DPCD: variants seen among roughly 807,000 people sequenced by gnomAD.
DPCD encodes deleted in primary ciliary dyskinesia homolog (mouse).
DPCD carries 20 observed loss-of-function variants against 26.4 expected under a neutral mutation model. The ratio of observed to expected loss-of-function variants is 0.76; its 90% confidence interval spans 0.53 to 1.10. The LOEUF is 1.10. DPCD is among the 50% of genes least tolerant of loss of function. The probability of loss-of-function intolerance (pLI) is 0.00; values close to 1 mark genes in which losing one functional copy is unlikely to be tolerated. For missense variants in DPCD, 202 were observed against 253.9 expected, an observed-to-expected ratio of 0.80 and a Z score of 1.39; for synonymous variants, 97 against 94.2, an observed-to-expected ratio of 1.03 and a Z score of -0.17.
At chr10:101,594,292 G>T (rs1019909506) in intron 1 of DPCD, among the ~76,000 whole-genome samples, 1 of 152,214 alleles carries the variant, frequency 6.6e-6, no homozygotes, top group African/African-American at 2.4e-5. Flanking sequence ...GCACACATGA[G>T]GATGTGATTA....
At chr10:101,605,604 G>A (rs1479186551) in intron 4 of DPCD, among the ~76,000 whole-genome samples, 1 of 152,182 alleles carries the variant, frequency 6.6e-6, no homozygotes, top group East Asian at 1.9e-4. Flanking sequence ...TACATCTTTT[G>A]AAGACTTTTG....
At chr10:101,593,273 G>A (rs1462732500) in intron 1 of DPCD, among the ~76,000 whole-genome samples, 1 of 152,162 alleles carries the variant, frequency 6.6e-6, no homozygotes, top group Admixed American at 6.5e-5. Context: ...ATGATTAAGG[G>A]TGGTATTACC....
chr10:101,597,410 A>G (rs1374064450), intron 2 of DPCD, among the ~76,000 whole-genome samples: 2 of 152,262 alleles, frequency 1.3e-5, no homozygotes, highest in Non-Finnish European at 2.9e-5. Flanking sequence ...TTGAAGCTGC[A>G]GGGAACATTT....
chr10:101,595,823 C>T (rs921407661), intron 2 of DPCD, among the ~76,000 whole-genome samples: 1 of 152,168 alleles, frequency 6.6e-6, no homozygotes, highest in Non-Finnish European at 1.5e-5. Context: ...GAAACCAATA[C>T]AGTAGTAATA....
At chr10:101,602,710 A>G (rs1167165145) in intron 4 of DPCD, among the ~76,000 whole-genome samples, 1 of 152,250 alleles carries the variant, frequency 6.6e-6, no homozygotes, top group East Asian at 1.9e-4. Context: ...TGCTTCAGCA[A>G]GCATTCCTTG....
intron 2 of DPCD, among the ~76,000 whole-genome samples, chr10:101,597,490 T>A (rs1222693116): frequency 2.0e-5 from 3 of 152,204 alleles, no homozygotes; most frequent in African/African-American, 7.2e-5. Context: ...AAGAGGCCTT[T>A]AGGACTTCTA....
chr10:101,606,225 G>C (rs1387368815), intron 4 of DPCD, among the ~76,000 whole-genome samples: 2 of 152,114 alleles, frequency 1.3e-5, no homozygotes, highest in African/African-American at 2.4e-5. Flanking sequence ...GCAGTGGCAC[G>C]ATCTTGGCTC....
intron 2 of DPCD, among the ~76,000 whole-genome samples, chr10:101,596,256 G>C (rs905787243): frequency 2.0e-5 from 3 of 151,854 alleles, no homozygotes; most frequent in Admixed American, 2.0e-4. Flanking sequence ...GTTCACAGGA[G>C]AACACTGTTT....
In DPCD at chr10:101,601,216, G is replaced by T; in HGVS notation, c.284G>T (p.Arg95Leu). The change falls in exon 4 of 6, where the codon CGC (arginine) becomes CTC (leucine). Residue 95 changes from arginine to leucine, a missense_variant. By Grantham distance (102) the Arg-to-Leu change is moderately radical (BLOSUM62 -2). Coordinates refer to ENST00000370151, the MANE Select transcript of DPCD (RefSeq NM_015448.3). The stretch of plus-strand genomic sequence containing the variant: ...TGCCTTCTGCAGCCTATCTTCATGC[G>T]CAAGGACACCAAGATGAGTTTCCAG... ...KESNANPIFM[R>L]KDTKMSFQWR... 1.9e-6 allele frequency: 3 copies of T among 1,613,672 alleles called. 1 individual carries two copies. The highest frequency in any genetic ancestry group is 2.2e-5 in the East Asian group (1 of 44,766).
rs187641890 is a variant in DPCD, at chr10:101,605,558, G to T, written c.405-3277G>T. 2.0e-3 allele frequency among the ~76,000 whole-genome samples: 309 copies of T among 152,284 alleles called. 3 individuals carry two copies. Among genetic ancestry groups the T allele is most frequent in the African/African-American group, 6.9e-3 (285 of 41,574 alleles). ...GTGACCTGTCCGGGGTCACAAGGCAGGGCCAGGAGTTCTGCTACAAGCCTT... is the reference window on the plus strand; with the variant it reads ...GTGACCTGTCCGGGGTCACAAGGCATGGCCAGGAGTTCTGCTACAAGCCTT... On this transcript the variant is annotated intron_variant, in intron 4 of 5. Transcript: ENST00000370151.
rs1483216992 is a variant in DPCD, at chr10:101,600,351, A to G, written c.146-387A>G. Among the ~76,000 whole-genome samples the G allele has an allele frequency of 6.6e-6, 1 of 151,812 alleles. No homozygotes were observed. The highest frequency in any genetic ancestry group is 1.5e-5 in the Non-Finnish European group (1 of 67,934). On this transcript the variant is annotated intron_variant, in intron 2 of 5. Coordinates refer to ENST00000370151, the MANE Select transcript of DPCD (RefSeq NM_015448.3). This position sits in a 1 kb window ranked among gnomAD's most constrained non-coding sequence, Gnocchi z 4.7. ...TTTTTGAGGGAAAAAGTGTGCTTCA[A>G]CTCCTTTTTGGGATCCAAATTTTCT... is the stretch of plus-strand genomic sequence containing the variant.
In DPCD at chr10:101,600,630, C is replaced by A; in HGVS notation, c.146-108C>A. Reference sequence around the variant, plus strand: ...CCAACACTCCCACTTTCATCTTGTGCTAGTTACCTAGTGTGGTGCCGGTGA... The same window carrying A: ...CCAACACTCCCACTTTCATCTTGTGATAGTTACCTAGTGTGGTGCCGGTGA... On this transcript the variant is annotated intron_variant, in intron 2 of 5. Transcript: ENST00000370151. This position sits in a 1 kb window ranked among gnomAD's most constrained non-coding sequence, Gnocchi z 4.7. 1 of 1,468,656 alleles carries A rather than the reference C, an allele frequency of 6.8e-7. No individual in the cohort carries two copies. The highest frequency in any genetic ancestry group is 9.1e-7 in the Non-Finnish European group (1 of 1,097,058). The allele number at this position is 1,468,656 out of a possible 1,614,324, so 91.0% of individuals were successfully genotyped here. A position where few individuals can be genotyped will look rare whatever the true frequency, so the allele number is the denominator to read the frequency against.
intron 1 of DPCD, among the ~76,000 whole-genome samples, chr10:101,589,177 G>C (rs2063551338): frequency 6.6e-6 from 1 of 152,168 alleles, no homozygotes; most frequent in African/African-American, 2.4e-5. Context: ...GGGCCAATCA[G>C]GGAAGCCTGG....
chr10:101,604,392 C>T (rs2063719730), intron 4 of DPCD, among the ~76,000 whole-genome samples: 1 of 152,168 alleles, frequency 6.6e-6, no homozygotes, highest in Admixed American at 6.5e-5. Context: ...GGTTCCATAA[C>T]CTGCCCCAGT....
chr10:101,589,485 G>A (rs1257760259), intron 1 of DPCD, among the ~76,000 whole-genome samples: 1 of 152,218 alleles, frequency 6.6e-6, no homozygotes, highest in Non-Finnish European at 1.5e-5. Context: ...GCTCACGCCC[G>A]TAATTCCAGC....
Position 101,603,446 on chromosome 10 carries a change from A to C in DPCD, c.404+2110A>C, listed in dbSNP as rs960944848. ...TTCTTTTTTATTTTTATTTTTATTT[A>C]TTTATTTTTTTTTTAAGAGATGGAG... On this transcript the variant is annotated intron_variant, in intron 4 of 5. Transcript: ENST00000370151. This position sits in a 1 kb window ranked among gnomAD's most constrained non-coding sequence, Gnocchi z 4.6. 1.3e-5 allele frequency among the ~76,000 whole-genome samples: 2 copies of C among 150,938 alleles called. No homozygotes were observed. The highest frequency in any genetic ancestry group is 3.0e-5 in the Non-Finnish European group (2 of 67,776).
In DPCD at chr10:101,588,646, T is replaced by C. The variant is rs112536287; in HGVS notation, c.64+246T>C. ...GCTCTGATTTCTGTTGCTAATATAGTAATTTCTTTTACATTCATTATCTCA... is the reference window on the plus strand; with the variant it reads ...GCTCTGATTTCTGTTGCTAATATAGCAATTTCTTTTACATTCATTATCTCA... On this transcript the variant is annotated intron_variant, in intron 1 of 5. Coordinates refer to ENST00000370151, the MANE Select transcript of DPCD (RefSeq NM_015448.3). 3.2e-5 allele frequency: 42 copies of C among 1,330,940 alleles called. No individual in the cohort carries two copies. In the African/African-American group the frequency reaches 3.4e-4, roughly 11 times the overall value. 82.4% of individuals were successfully genotyped at this position (1,330,940 alleles called of 1,614,324 possible).
intron 4 of DPCD, among the ~76,000 whole-genome samples, chr10:101,604,596 C>A (rs185970820): frequency 6.6e-6 from 1 of 152,308 alleles, no homozygotes; most frequent in Admixed American, 6.5e-5. Flanking sequence ...CAGTGTTGGA[C>A]CATCTATTCC....
At chr10:101,601,386 G>A in intron 4 of DPCD, 50 bp downstream of exon 4, 1 of 1,607,236 alleles carries the variant, frequency 6.2e-7, no homozygotes, top group South Asian at 1.1e-5. Context: ...GCGGGGTGTA[G>A]GGTGGGGTTT....
Sources: gnomAD v4.1 joint callset for allele counts (sites outside exome capture counted in the v4.1 genomes callset) on GRCh38, gnomAD v4.1.1 for gene constraint, Gnocchi (gnomAD v3.1) non-coding constraint, MANE v1.5 for transcripts, NCBI Gene and HGNC (gene_info 2026-07-23, HGNC 2026-07-21) for gene names.